LRRTM4: variants seen among roughly 807,000 people sequenced by gnomAD.
The protein encoded by LRRTM4 is leucine-rich repeat transmembrane neuronal protein 4.
Under a neutral mutation model 47.6 loss-of-function variants are expected in LRRTM4, and 25 were observed. That is an observed-to-expected ratio of 0.53 (90% CI 0.38 to 0.73). The LOEUF (loss-of-function observed/expected upper bound fraction) is 0.73, where lower values mean the gene tolerates loss of function less well. LRRTM4 is among the 30% of genes least tolerant of loss of function. The pLI, the probability that LRRTM4 is intolerant of heterozygous loss-of-function variation, is 0.00. For synonymous variants in LRRTM4, 311 were observed against 269.5 expected, an observed-to-expected ratio of 1.15 and a Z score of -1.51; for missense variants, 638 against 713.4, an observed-to-expected ratio of 0.89 and a Z score of 1.20.
At chr2:77,040,232 A>G (rs745739966) in intron 3 of LRRTM4, among the ~76,000 whole-genome samples, 1 of 151,324 alleles carries the variant, frequency 6.6e-6, no homozygotes, top group African/African-American at 2.4e-5. Flanking sequence ...AGACACATAT[A>G]TTGAACCTCC....
chr2:76,780,130 C>A lies in LRRTM4; in HGVS notation c.1552-31214G>T, dbSNP rs181655146. On this transcript the variant is annotated intron_variant, in intron 3 of 3. Coordinates refer to ENST00000409884, the MANE Select transcript of LRRTM4 (RefSeq NM_001134745.3). ...CTTGCAGGGTTTCTGCCGAGAGATC[C>A]GCTGTTAGTCTGATGGGCTTCCCTT... Among the ~76,000 whole-genome samples the A allele has an allele frequency of 8.4e-3, 1,285 of 152,240 alleles. 15 individuals are homozygous for A. The highest frequency in any genetic ancestry group is 0.024 in the Middle Eastern group (7 of 294).
intron 3 of LRRTM4, among the ~76,000 whole-genome samples, chr2:77,495,463 C>T (rs1678325909): frequency 6.6e-6 from 1 of 151,994 alleles, no homozygotes; most frequent in Non-Finnish European, 1.5e-5. Flanking sequence ...ATAATAAATA[C>T]TTGCCTAACG....
chr2:77,386,682 C>T (rs1299390605), intron 3 of LRRTM4, among the ~76,000 whole-genome samples: 1 of 152,090 alleles, frequency 6.6e-6, no homozygotes. Context: ...GCCACACTGT[C>T]TTCCACAGAA....
At chr2:77,129,499 G>A (rs978780914) in intron 3 of LRRTM4, among the ~76,000 whole-genome samples, 1 of 152,120 alleles carries the variant, frequency 6.6e-6, no homozygotes, top group African/African-American at 2.4e-5. Flanking sequence ...CTTCAGAAAA[G>A]GGAGTTATCA....
At chr2:77,230,211 A>G (rs952198476) in intron 3 of LRRTM4, among the ~76,000 whole-genome samples, 116 of 152,238 alleles carry the variant, frequency 7.6e-4, no homozygotes, top group African/African-American at 2.4e-3. Flanking sequence ...AAACAACCAC[A>G]TCATTAATTA....
intron 3 of LRRTM4, among the ~76,000 whole-genome samples, chr2:77,007,163 T>TAC (rs1319707750): frequency 5.3e-5 from 8 of 151,544 alleles, no homozygotes; most frequent in African/African-American, 1.9e-4. Context: ...AATATATATA[T>TAC]ATACACACAC....
At chr2:77,220,598 G>A (rs1674591272) in intron 3 of LRRTM4, among the ~76,000 whole-genome samples, 1 of 152,102 alleles carries the variant, frequency 6.6e-6, no homozygotes, top group African/African-American at 2.4e-5. Context: ...TGGAAGAAAG[G>A]GTATCAGTGA....
intron 3 of LRRTM4, among the ~76,000 whole-genome samples, chr2:76,808,983 T>A (rs977877012): frequency 6.6e-6 from 1 of 152,198 alleles, no homozygotes; most frequent in Non-Finnish European, 1.5e-5. Context: ...TGTCAGATGC[T>A]TAGAGTGATT....
chr2:77,055,956 C>T (rs558015077), intron 3 of LRRTM4, among the ~76,000 whole-genome samples: 11 of 147,840 alleles, frequency 7.4e-5, no homozygotes, highest in African/African-American at 2.3e-4. Flanking sequence ...AACCAAACAC[C>T]GCATATTCTC....
At chr2:76,817,088 T>C (rs1288643460) in intron 3 of LRRTM4, among the ~76,000 whole-genome samples, 1 of 151,752 alleles carries the variant, frequency 6.6e-6, no homozygotes, top group Non-Finnish European at 1.5e-5. Context: ...ATCTAAAGAA[T>C]GAAGTTGGCC....
intron 3 of LRRTM4, among the ~76,000 whole-genome samples, chr2:76,943,901 G>A (rs1260804251): frequency 6.6e-6 from 1 of 152,034 alleles, no homozygotes; most frequent in Non-Finnish European, 1.5e-5. Flanking sequence ...TTGTGTATCT[G>A]GCCATATCTT....
chr2:77,032,110 C>T (rs1192063991), intron 3 of LRRTM4, among the ~76,000 whole-genome samples: 1 of 152,154 alleles, frequency 6.6e-6, no homozygotes, highest in African/African-American at 2.4e-5. Flanking sequence ...TCCTAATCAG[C>T]CTCTCTACTT....
chr2:76,816,841 T>G (rs1435088507), intron 3 of LRRTM4, among the ~76,000 whole-genome samples: 3 of 137,742 alleles, frequency 2.2e-5, no homozygotes, highest in East Asian at 2.0e-4. Flanking sequence ...TTTTTTTTTT[T>G]TTTTTTTTTT....
At chr2:77,348,224 A>G (rs908212650) in intron 3 of LRRTM4, among the ~76,000 whole-genome samples, 1 of 151,970 alleles carries the variant, frequency 6.6e-6, no homozygotes, top group Non-Finnish European at 1.5e-5. Flanking sequence ...TAAACTTAAC[A>G]GTATTATTCA....
At chr2:76,870,545 CT>C (rs1229646790) in intron 3 of LRRTM4, among the ~76,000 whole-genome samples, 1 of 151,938 alleles carries the variant, frequency 6.6e-6, no homozygotes, top group Non-Finnish European at 1.5e-5. Flanking sequence ...GGCCAATGAA[CT>C]TTTTTTTCCA....
chr2:76,798,768 T>C (rs1675497474), intron 3 of LRRTM4, among the ~76,000 whole-genome samples: 1 of 150,592 alleles, frequency 6.6e-6, no homozygotes, highest in African/African-American at 2.4e-5. Flanking sequence ...ATAAAGGGGA[T>C]ATCACCACCG....
chr2:77,110,760 A>T (rs892715019), intron 3 of LRRTM4, among the ~76,000 whole-genome samples: 1 of 152,184 alleles, frequency 6.6e-6, no homozygotes, highest in South Asian at 2.1e-4. Flanking sequence ...AGGTACATTG[A>T]TATTTCAAAA....
At chr2:77,033,179 A>G (rs1015281208) in intron 3 of LRRTM4, among the ~76,000 whole-genome samples, 3 of 152,058 alleles carry the variant, frequency 2.0e-5, no homozygotes, top group Admixed American at 6.6e-5. Context: ...CAAGGAGCCA[A>G]TATAGATTGT....
chr2:76,923,220 T>C (rs538902540), intron 3 of LRRTM4, among the ~76,000 whole-genome samples: 6 of 152,232 alleles, frequency 3.9e-5, no homozygotes, highest in African/African-American at 1.4e-4. Flanking sequence ...TCTTTCGTTT[T>C]TATTGTTTTA....
Sources: allele counts gnomAD v4.1 joint callset (sites outside exome capture counted in the v4.1 genomes callset), GRCh38; gene constraint gnomAD v4.1.1; transcripts MANE v1.5; gene names NCBI Gene and HGNC (gene_info 2026-07-23, HGNC 2026-07-21).